The following THAP12 variants were observed in gnomAD, a reference collection of about 807,000 sequenced individuals.
The protein encoded by THAP12 is 52 kDa repressor of the inhibitor of the protein kinase.
A neutral mutation model predicts 63.0 loss-of-function variants in THAP12; 20 were observed. That is an observed-to-expected ratio of 0.32 (90% confidence interval 0.22 to 0.46). The LOEUF (loss-of-function observed/expected upper bound fraction) is 0.46. Ranked by LOEUF, THAP12 falls within the 20% of genes least tolerant of loss-of-function variation. The pLI, the probability that THAP12 is intolerant of heterozygous loss-of-function variation, is 1.00. For missense variants in THAP12, 568 were observed against 908.2 expected (o/e 0.63, Z 4.81); for synonymous variants, 264 against 328.4 (o/e 0.80, Z 2.12).
At chr11:76,372,226 T>C (rs1033111266) in intron 1 of THAP12, among the ~76,000 whole-genome samples, 1 of 152,214 alleles carries the variant, frequency 6.6e-6, no homozygotes, top group Admixed American at 6.5e-5. Flanking sequence ...AGTGCTGGGA[T>C]TACAGGCGTG....
intron 3 of THAP12, chr11:76,356,660 A>G (rs1362803468): frequency 6.6e-6 from 1 of 152,246 alleles, no homozygotes; most frequent in East Asian, 1.9e-4. Context: ...ATAACGTAGC[A>G]TAACTATTTA....
At chr11:76,359,831 G>GGGA (rs780288899) in intron 3 of THAP12, among the ~76,000 whole-genome samples, 37 of 146,780 alleles carry the variant, frequency 2.5e-4, no homozygotes, top group African/African-American at 8.3e-4. Flanking sequence ...TCTCGGGGGG[G>GGGA]AAAAAAAAAA....
intron 3 of THAP12, 66 bp downstream of exon 3, chr11:76,360,890 T>C (rs1345936894): frequency 3.8e-6 from 4 of 1,047,916 alleles, no homozygotes; most frequent in East Asian, 2.4e-5. Context: ...TTAACATAAA[T>C]GCATCTGTAT....
chr11:76,361,689 T>C (rs2134505034), intron 2 of THAP12, among the ~76,000 whole-genome samples: 1 of 152,332 alleles, frequency 6.6e-6, no homozygotes, highest in Non-Finnish European at 1.5e-5. Flanking sequence ...ATACTAATGA[T>C]CACAATGCTT....
At chr11:76,376,582 C>T (rs1457373020) in intron 1 of THAP12, among the ~76,000 whole-genome samples, 3 of 147,160 alleles carry the variant, frequency 2.0e-5, no homozygotes, top group Non-Finnish European at 4.5e-5. Context: ...GGCCCATAAA[C>T]ATCTTTGTCT....
At chr11:76,374,436 T>C (rs1308176812) in intron 1 of THAP12, among the ~76,000 whole-genome samples, 1 of 150,844 alleles carries the variant, frequency 6.6e-6, no homozygotes, top group Non-Finnish European at 1.5e-5. Flanking sequence ...ACCAGAAAAG[T>C]CTTTAAGTAT....
chr11:76,351,460 A>G lies in THAP12; in HGVS notation c.1690T>C (p.Leu564=). 6.3e-7 allele frequency: 1 copy of G among 1,598,370 alleles called. No homozygotes were observed. The highest frequency in any genetic ancestry group is 8.6e-7 in the Non-Finnish European group (1 of 1,168,322). Residue 564 remains leucine, a synonymous_variant, in exon 5 of 5, where the codon TTG becomes CTG. Transcript: ENST00000260045. ...CTCTCAGAGGTTAGCTGAGATTCCA[A>G]GTTACCCTGGTGAGCTCTGCGGAAT... ...GKFRRAHQGN[L]ESQLTSESYY... is the part of the protein sequence containing the mutation.
Position 76,380,865 on chromosome 11 carries a change from C to T in THAP12, c.-29G>A, listed in dbSNP as rs1565238433. 2 of 1,399,350 alleles carry T rather than the reference C, an allele frequency of 1.4e-6. No homozygotes were observed. The highest frequency in any genetic ancestry group is 1.9e-6 in the Non-Finnish European group (2 of 1,062,428). The allele number at this position is 1,399,350 out of a possible 1,614,324, so 86.7% of individuals were successfully genotyped here. A position where few individuals can be genotyped will look rare whatever the true frequency, so the allele number is the denominator to read the frequency against. ...CGCCCGCCCGCCGGCCGGCCCAGCC[C>T]TCCCCTCCCCGCCTCCTCAGGGCAG... On this transcript the variant is annotated 5_prime_UTR_variant, in exon 1 of 5. Transcript: ENST00000260045.
At chr11:76,374,965 C>T (rs917855501) in intron 1 of THAP12, among the ~76,000 whole-genome samples, 2 of 152,332 alleles carry the variant, frequency 1.3e-5, no homozygotes, top group Admixed American at 6.5e-5. Context: ...GAGCCCTCAC[C>T]AGATGCCAAA....
chr11:76,358,552 C>G (rs1946576188), intron 3 of THAP12: 1 of 152,132 alleles, frequency 6.6e-6, no homozygotes, highest in African/African-American at 2.4e-5. Flanking sequence ...CTATTGTAAT[C>G]CCAGCACTTT....
intron 3 of THAP12, among the ~76,000 whole-genome samples, chr11:76,359,824 C>CG (rs937666013): frequency 5.7e-5 from 8 of 140,128 alleles, no homozygotes; most frequent in East Asian, 2.1e-4. Context: ...GACTCTGTCT[C>CG]GGGGGGGAAA....
chr11:76,362,831 A>G (rs1946606580), intron 2 of THAP12, among the ~76,000 whole-genome samples: 1 of 152,268 alleles, frequency 6.6e-6, no homozygotes, highest in African/African-American at 2.4e-5. Context: ...TATGAATGAA[A>G]AAAATGACAT....
chr11:76,365,709 C>T, intron 2 of THAP12, 143 bp downstream of exon 2: 1 of 1,131,386 alleles, frequency 8.8e-7, no homozygotes, highest in Non-Finnish European at 1.2e-6. Flanking sequence ...AGATACTTTT[C>T]AGCTCCAAAT....
At chr11:76,371,822 T>C (rs1291172095) in intron 1 of THAP12, among the ~76,000 whole-genome samples, 1 of 147,408 alleles carries the variant, frequency 6.8e-6, no homozygotes, top group Non-Finnish European at 1.5e-5. Flanking sequence ...TTTTTTTTTT[T>C]TTTTTTTTTG....
chr11:76,352,988 C>T (rs1010641585), intron 4 of THAP12, among the ~76,000 whole-genome samples, 194 bp from the exon 5 acceptor site: 1 of 151,926 alleles, frequency 6.6e-6, no homozygotes, highest in African/African-American at 2.4e-5. Context: ...GTGGGAGAGA[C>T]AAACAGTGTA....
chr11:76,377,753 G>A (rs1308545818), intron 1 of THAP12, among the ~76,000 whole-genome samples: 5 of 152,108 alleles, frequency 3.3e-5, no homozygotes, highest in African/African-American at 4.8e-5. Context: ...TTGGATATAC[G>A]CCTAGGAATG....
At chr11:76,358,011 A>T (rs1336433480) in intron 3 of THAP12, 3 of 152,156 alleles carry the variant, frequency 2.0e-5, no homozygotes, top group Non-Finnish European at 4.4e-5. Flanking sequence ...CTTTGAAAAG[A>T]TTATTAAAGT....
intron 1 of THAP12, among the ~76,000 whole-genome samples, chr11:76,373,609 G>T (rs991870626): frequency 6.6e-6 from 1 of 151,812 alleles, no homozygotes; most frequent in African/African-American, 2.4e-5. Flanking sequence ...ATAGTCCCAG[G>T]TATTTGGGTG....
intron 2 of THAP12, among the ~76,000 whole-genome samples, chr11:76,364,629 C>T (rs191255420): frequency 1.1e-4 from 17 of 152,272 alleles, no homozygotes; most frequent in Admixed American, 2.0e-4. Context: ...AATCTTAGAA[C>T]TCAGGAATTA....
Sources: allele counts gnomAD v4.1 joint callset (sites outside exome capture counted in the v4.1 genomes callset), GRCh38; gene constraint gnomAD v4.1.1; transcripts MANE v1.5; gene names NCBI Gene and HGNC (gene_info 2026-07-23, HGNC 2026-07-21).